The following SIGLECL1 variants were observed in gnomAD, a reference collection of about 807,000 sequenced individuals.
SIGLECL1 encodes the protein SIGLEC family like 1.
A neutral mutation model predicts 19.1 loss-of-function variants in SIGLECL1; 16 were observed. That is an observed-to-expected ratio of 0.84 (90% confidence interval 0.57 to 1.27). The LOEUF (loss-of-function observed/expected upper bound fraction) is 1.27, where lower values mean the gene tolerates loss of function less well. Ranked by LOEUF, SIGLECL1 falls within the 50% of genes most tolerant of loss-of-function variation. The pLI, the probability that SIGLECL1 is intolerant of heterozygous loss-of-function variation, is 0.00. For missense variants in SIGLECL1, 210 were observed against 239.4 expected, an observed-to-expected ratio of 0.88 and a Z score of 0.81; for synonymous variants, 89 against 90.4, an observed-to-expected ratio of 0.98 and a Z score of 0.09.
At chr19:51,257,987 G>C (rs557893607) in intron 1 of SIGLECL1, 1 of 152,346 alleles carries the variant, frequency 6.6e-6, no homozygotes, top group East Asian at 1.9e-4. Context: ...ACTCCACAGG[G>C]AGAGGATAAC....
intron 1 of SIGLECL1, among the ~76,000 whole-genome samples, chr19:51,256,526 ATGAGATAT>A (rs1427117499): frequency 2.0e-5 from 3 of 152,240 alleles, no homozygotes; most frequent in Non-Finnish European, 2.9e-5. Context: ...GCTAAGGGAA[ATGAGATAT>A]TGATCAAGGG....
chr19:51,258,503 T>A (rs1296976208), intron 1 of SIGLECL1, among the ~76,000 whole-genome samples: 1 of 152,348 alleles, frequency 6.6e-6, no homozygotes, highest in Admixed American at 6.5e-5. Context: ...ACCCACTGGA[T>A]GCATAAGGAA....
At chr19:51,265,700 G>A (rs1007207362) in intron 3 of SIGLECL1, 51 bp downstream of exon 3, 5 of 1,612,094 alleles carry the variant, frequency 3.1e-6, no homozygotes, top group East Asian at 2.2e-5. Context: ...AGCGGGATGG[G>A]GACAGTCACT....
chr19:51,265,898 A>G lies in SIGLECL1; in HGVS notation c.410+16A>G, dbSNP rs780666731. ...TCCCTCTCATGTGAGTACTAGGGTT[A>G]ATATTCACCCGCAAGCCTACTACCG... On this transcript the variant is annotated intron_variant, in intron 4 of 5. Transcript: ENST00000601727. 8 of 1,613,182 alleles carry G rather than the reference A, an allele frequency of 5.0e-6. No homozygotes were observed. In the Admixed American group the frequency reaches 1.3e-4, roughly 27 times the overall value.
chr19:51,268,334 A>G (rs1983830948), intron 5 of SIGLECL1, among the ~76,000 whole-genome samples: 1 of 152,088 alleles, frequency 6.6e-6, no homozygotes, highest in African/African-American at 2.4e-5. Flanking sequence ...AGATTCCCTG[A>G]GGAGTCTAAG....
upstream of SIGLECL1, among the ~76,000 whole-genome samples, chr19:51,248,989 T>C (rs1599786088): frequency 6.6e-6 from 1 of 152,108 alleles, no homozygotes; most frequent in East Asian, 1.9e-4. Flanking sequence ...TTTTGACAAT[T>C]GGGAGAGCTC....
Position 51,268,609 on chromosome 19 carries a change from A to G in SIGLECL1, c.*12A>G. The stretch of plus-strand genomic sequence containing the variant: ...AACGAGCCAGCTAAGCCTGTGGAAC[A>G]TGCCTCATACCTGGAGTCGCCATTA... On this transcript the variant is annotated 3_prime_UTR_variant, in exon 6 of 6. Coordinates refer to ENST00000601727, the MANE Select transcript of SIGLECL1 (RefSeq NM_001385465.1). The G allele has an allele frequency of 1.9e-6, 3 of 1,613,702 alleles. No homozygotes were observed. Among genetic ancestry groups the G allele is most frequent in the South Asian group, 2.2e-5 (2 of 90,994 alleles).
intron 4 of SIGLECL1, among the ~76,000 whole-genome samples, chr19:51,266,829 A>T (rs998773128): frequency 2.6e-5 from 4 of 152,208 alleles, no homozygotes; most frequent in Non-Finnish European, 4.4e-5. Context: ...CTTGGACTGA[A>T]TCCTCATTTC....
chr19:51,268,481 AG>A (rs1599804373), intron 5 of SIGLECL1, 89 bp from the exon 6 acceptor site: 2 of 1,368,250 alleles, frequency 1.5e-6, no homozygotes, highest in East Asian at 4.6e-5. Context: ...TCTGTGCACA[AG>A]GGGGTGTCTT....
In SIGLECL1 at chr19:51,251,135, C is replaced by T. The variant is rs906590665; in HGVS notation, c.-601C>T. The stretch of plus-strand genomic sequence containing the variant: ...CTTGCAGCGGCTATCACGCCCCTCA[C>T]GCCGCTATCTCTGTGCAGCCGACTG... On this transcript the variant is annotated 5_prime_UTR_variant, in exon 1 of 6. The change creates a new upstream start codon in the 5' untranslated region. Transcript: ENST00000601727. The T allele has an allele frequency of 2.0e-5, 3 of 152,286 alleles. No homozygotes were observed. Among genetic ancestry groups the T allele is most frequent in the Non-Finnish European group, 4.4e-5 (3 of 68,078 alleles). 9.4% of individuals were successfully genotyped at this position (152,286 alleles called of 1,614,324 possible).
At chr19:51,252,939 A>G (rs946343172) in intron 1 of SIGLECL1, among the ~76,000 whole-genome samples, 1 of 152,036 alleles carries the variant, frequency 6.6e-6, no homozygotes, top group African/African-American at 2.4e-5. Flanking sequence ...AGCCTGGGTA[A>G]CATAGTGAGA....
chr19:51,256,823 A>G (rs1053798155), intron 1 of SIGLECL1, among the ~76,000 whole-genome samples: 1 of 152,192 alleles, frequency 6.6e-6, no homozygotes, highest in Non-Finnish European at 1.5e-5. Context: ...TAAACCTGGA[A>G]TTAAAAAACT....
chr19:51,267,758 G>A (rs1031679397), intron 5 of SIGLECL1, among the ~76,000 whole-genome samples: 1 of 152,160 alleles, frequency 6.6e-6, no homozygotes, highest in Non-Finnish European at 1.5e-5. Flanking sequence ...CAATTTACAC[G>A]CACACACCAT....
rs949889855 is a variant in SIGLECL1 at position 51,268,940 on chromosome 19, T to A, written c.*343T>A. The A allele has an allele frequency of 8.5e-6, 2 of 234,904 alleles. No individual in the cohort carries two copies. Among genetic ancestry groups the A allele is most frequent in the Admixed American group, 1.0e-4 (2 of 19,794 alleles). 14.6% of individuals were successfully genotyped at this position (234,904 alleles called of 1,614,324 possible). A position where few individuals can be genotyped will look rare whatever the true frequency, so the allele number is the denominator to read the frequency against. On this transcript the variant is annotated 3_prime_UTR_variant, in exon 6 of 6. Transcript: ENST00000601727. Reference sequence around the variant, plus strand: ...ATCAAGTCCATCAGCAAGTTACTTTTGAGCGCCTACTGTGTGTCAGTGCCT... The same window carrying A: ...ATCAAGTCCATCAGCAAGTTACTTTAGAGCGCCTACTGTGTGTCAGTGCCT...
In SIGLECL1 at chr19:51,267,521, C is replaced by T. The variant is rs139406071; in HGVS notation, c.559C>T (p.Arg187Trp). The T allele has an allele frequency of 3.0e-5, 49 of 1,614,066 alleles. 2 individuals are homozygous for T. In the African/African-American group the frequency reaches 3.7e-4, roughly 12 times the overall value. ...KPVVATFSES[R>W]ILEKQDKRAS ...CGTAGTCGCCACATTTTCTGAGAGC[C>T]GGATATTGGTATGTACCTATTGTGT... Residue 187 changes from arginine to tryptophan, a missense_variant, in exon 5 of 6, where the codon CGG becomes TGG. Arg to Trp is a moderately radical substitution (Grantham distance 101). Transcript: ENST00000601727.
rs1035826811 is a variant in SIGLECL1, at chr19:51,251,118, G to A, written c.-618G>A. On this transcript the variant is annotated 5_prime_UTR_variant, in exon 1 of 6. Transcript: ENST00000601727. ...GATGCGAGCTAGCAGGTCTTGCAGC[G>A]GCTATCACGCCCCTCACGCCGCTAT... 2.6e-5 allele frequency: 4 copies of A among 152,208 alleles called. No individual in the cohort carries two copies. Among genetic ancestry groups the A allele is most frequent in the African/African-American group, 7.2e-5 (3 of 41,438 alleles). The allele number at this position is 152,208 out of a possible 1,614,324, so 9.4% of individuals were successfully genotyped here.
intron 4 of SIGLECL1, 64 bp from the exon 5 acceptor site, chr19:51,267,309 T>C: frequency 1.9e-6 from 3 of 1,577,078 alleles, no homozygotes; most frequent in Non-Finnish European, 2.6e-6. Context: ...CTGGTCAAGA[T>C]AGAGCCCATT....
At chr19:51,265,971 C>T (rs1983640969) in intron 4 of SIGLECL1, 89 bp downstream of exon 4, 2 of 1,314,962 alleles carry the variant, frequency 1.5e-6, no homozygotes, top group Admixed American at 1.8e-5. Flanking sequence ...AAGACAGGAC[C>T]CCTCCCCTCA....
Position 51,268,750 on chromosome 19 carries a change from C to T in SIGLECL1, c.*153C>T. 1.5e-6 allele frequency: 1 copy of T among 670,496 alleles called. No homozygotes were observed. Among genetic ancestry groups the T allele is most frequent in the East Asian group, 2.7e-5 (1 of 36,974 alleles). The allele number at this position is 670,496 out of a possible 1,614,324, so 41.5% of individuals were successfully genotyped here. A position where few individuals can be genotyped will look rare whatever the true frequency, so the allele number is the denominator to read the frequency against. On this transcript the variant is annotated 3_prime_UTR_variant, in exon 6 of 6. Coordinates refer to ENST00000601727, the MANE Select transcript of SIGLECL1 (RefSeq NM_001385465.1). ...GCTCACAAAACCCTCTCAATTCCTA[C>T]ACATCCCTTAACACTCATTCTCCAT...
Sources: allele counts gnomAD v4.1 joint callset (sites outside exome capture counted in the v4.1 genomes callset), GRCh38; gene constraint gnomAD v4.1.1; transcripts MANE v1.5; gene names NCBI Gene and HGNC (gene_info 2026-07-23, HGNC 2026-07-21).